Variants in EYS observed in about 807,000 individuals in gnomAD.
EYS encodes the protein EGF-like photoreceptor maintenance factor.
A neutral mutation model predicts 282.1 loss-of-function variants in EYS; 250 were observed. The observed-to-expected ratio is 0.89, with a 90% CI of 0.80 to 0.98. The LOEUF (loss-of-function observed/expected upper bound fraction) is 0.98, where lower values mean the gene tolerates loss of function less well. EYS is among the 50% of genes least tolerant of loss of function. The pLI, the probability that EYS is intolerant of heterozygous loss-of-function variation, is 0.00. For synonymous variants in EYS, 1,355 were observed against 1,282.9 expected (o/e 1.06, Z -1.20); for missense variants, 4,016 against 3,709.0 (o/e 1.08, Z -2.15).
intron 26 of EYS, among the ~76,000 whole-genome samples, chr6:64,572,826 T>G (rs1414881474): frequency 6.6e-6 from 1 of 152,062 alleles, no homozygotes; most frequent in Non-Finnish European, 1.5e-5. Context: ...GAATAAATAT[T>G]GTGAAAATGG....
chr6:64,894,355 T>A (rs921440983), intron 18 of EYS, among the ~76,000 whole-genome samples: 1 of 152,062 alleles, frequency 6.6e-6, no homozygotes, highest in Admixed American at 6.6e-5. Context: ...AATGAGCAAA[T>A]AAACATATAA....
intron 33 of EYS, among the ~76,000 whole-genome samples, chr6:64,060,789 T>C (rs1408335408): frequency 6.6e-6 from 1 of 152,172 alleles, no homozygotes; most frequent in East Asian, 1.9e-4. Context: ...TCAAAGGTAA[T>C]GTGATAAATA....
intron 1 of EYS, among the ~76,000 whole-genome samples, chr6:65,700,114 CAAAAAAAAA>C (rs1178482636): frequency 1.9e-5 from 1 of 51,792 alleles, no homozygotes; most frequent in Non-Finnish European, 3.1e-5. Context: ...GACTCCGTCT[CAAAAAAAAA>C]AAAAAAAAAA....
At position 64,859,417 on chromosome 6, in the gene EYS, T is replaced by C. The variant is rs181660732; in HGVS notation, c.2992+27280A>G. Among the ~76,000 whole-genome samples, 86 of 150,816 alleles carry C rather than the reference T, an allele frequency of 5.7e-4. 1 individual carries two copies. In the East Asian group the frequency reaches 0.015, roughly 27 times the overall value. On this transcript the variant is annotated intron_variant, in intron 19 of 42. Transcript: ENST00000503581. Reference sequence around the variant, plus strand: ...CTGTATATTGAAAACTTTAAAACACTCATGAAGGAATTGAATAAAACAAAA... The same window carrying C: ...CTGTATATTGAAAACTTTAAAACACCCATGAAGGAATTGAATAAAACAAAA...
chr6:64,577,219 T>A (rs1299610587), intron 26 of EYS, among the ~76,000 whole-genome samples: 1 of 151,988 alleles, frequency 6.6e-6, no homozygotes, highest in Non-Finnish European at 1.5e-5. Flanking sequence ...AGACAATCAG[T>A]TTCTGGTATT....
intron 1 of EYS, among the ~76,000 whole-genome samples, chr6:65,661,823 G>T (rs1768010345): frequency 6.6e-6 from 1 of 152,094 alleles, no homozygotes; most frequent in African/African-American, 2.4e-5. Flanking sequence ...TTAGAGAATA[G>T]AATACAAAAT....
chr6:65,491,498 C>T (rs1582371388), intron 4 of EYS: 1 of 348,354 alleles, frequency 2.9e-6, no homozygotes, highest in East Asian at 7.8e-5. Context: ...GCAGTTTTTG[C>T]CATTATCATT....
At chr6:63,937,398 T>C (rs1581998851) in intron 35 of EYS, among the ~76,000 whole-genome samples, 2 of 114,982 alleles carry the variant, frequency 1.7e-5, no homozygotes, top group South Asian at 6.8e-4. Context: ...TTTTTTTTTT[T>C]GAGACGGAGT....
intron 2 of EYS, among the ~76,000 whole-genome samples, chr6:65,601,588 C>A (rs528593243): frequency 9.9e-5 from 15 of 151,994 alleles, no homozygotes; most frequent in African/African-American, 3.6e-4. Flanking sequence ...CAATATTAAC[C>A]TTTTCCACTG....
At chr6:64,963,883 A>G (rs1370363931) in intron 14 of EYS, among the ~76,000 whole-genome samples, 1 of 152,172 alleles carries the variant, frequency 6.6e-6, no homozygotes, top group Non-Finnish European at 1.5e-5. Context: ...TTTAGAAAAT[A>G]AACTCTTTTA....
chr6:64,316,549 C>G, intron 29 of EYS, among the ~76,000 whole-genome samples: 1 of 151,982 alleles, frequency 6.6e-6, no homozygotes, highest in East Asian at 1.9e-4. Context: ...AAACACGGCT[C>G]AAGGAAATAA....
intron 11 of EYS, among the ~76,000 whole-genome samples, chr6:65,322,659 G>A (rs1277784610): frequency 6.6e-6 from 1 of 151,954 alleles, no homozygotes; most frequent in African/African-American, 2.4e-5. Flanking sequence ...GCTGGGCCTG[G>A]GGGCGCGCGC....
intron 8 of EYS, among the ~76,000 whole-genome samples, chr6:65,369,091 A>G (rs920994879): frequency 2.0e-5 from 3 of 150,950 alleles, no homozygotes; most frequent in Non-Finnish European, 1.5e-5. Context: ...CATTCTACTT[A>G]ACAAAACTCT....
At chr6:65,030,200 C>A (rs1199451499) in intron 13 of EYS, among the ~76,000 whole-genome samples, 3 of 152,072 alleles carry the variant, frequency 2.0e-5, no homozygotes, top group Non-Finnish European at 4.4e-5. Flanking sequence ...ATGGATGTGA[C>A]CTGAGCTTTC....
chr6:64,909,262 A>G (rs2150075095), intron 16 of EYS, among the ~76,000 whole-genome samples: 1 of 152,290 alleles, frequency 6.6e-6, no homozygotes, highest in South Asian at 2.1e-4. Flanking sequence ...GTTACAAGAT[A>G]GATATGTATT....
intron 13 of EYS, among the ~76,000 whole-genome samples, chr6:64,999,408 G>C (rs1201108857): frequency 6.6e-6 from 1 of 152,178 alleles, no homozygotes; most frequent in Non-Finnish European, 1.5e-5. Flanking sequence ...TAGTCACTGT[G>C]ATATGGAAGT....
chr6:63,784,177 C>G (rs1186271641), intron 39 of EYS, among the ~76,000 whole-genome samples: 2 of 152,116 alleles, frequency 1.3e-5, no homozygotes, highest in Non-Finnish European at 2.9e-5. Context: ...AGCTACACAT[C>G]AATTATCCTG....
intron 5 of EYS, among the ~76,000 whole-genome samples, chr6:65,410,773 T>G (rs917835732): frequency 6.6e-6 from 1 of 151,638 alleles, no homozygotes; most frequent in African/African-American, 2.4e-5. Flanking sequence ...TGATTTATAA[T>G]AGCCAAAAAA....
chr6:65,453,928 C>A (rs1764505969), intron 5 of EYS, among the ~76,000 whole-genome samples: 1 of 151,718 alleles, frequency 6.6e-6, no homozygotes, highest in South Asian at 2.1e-4. Flanking sequence ...CCATTCGTCC[C>A]TTGTTGGACT....
Sources: allele counts gnomAD v4.1 joint callset (sites outside exome capture counted in the v4.1 genomes callset), GRCh38; gene constraint gnomAD v4.1.1; transcripts MANE v1.5; gene names NCBI Gene and HGNC (gene_info 2026-07-23, HGNC 2026-07-21).